CGNL1: variants seen among roughly 807,000 people sequenced by gnomAD.
CGNL1 encodes the protein cingulin like 1.
Under a neutral mutation model 141.2 loss-of-function variants are expected in CGNL1, and 132 were observed. The ratio of observed to expected loss-of-function variants is 0.93; its 90% CI spans 0.81 to 1.08. CGNL1 has a LOEUF of 1.08. CGNL1 is among the 50% of genes least tolerant of loss of function. The pLI is 0.00. For missense variants in CGNL1, 1,870 were observed against 1,588.6 expected (o/e 1.18, Z -3.01); for synonymous variants, 690 against 622.1 (o/e 1.11, Z -1.63).
At chr15:57,437,590 C>T (rs1158234515) in intron 1 of CGNL1, among the ~76,000 whole-genome samples, 1 of 33,104 alleles carries the variant, frequency 3.0e-5, no homozygotes, top group Non-Finnish European at 6.2e-5. Flanking sequence ...AAATAAACAG[C>T]ATAAAGTTTC....
intron 12 of CGNL1, among the ~76,000 whole-genome samples, chr15:57,525,461 A>G (rs1214199376): frequency 6.6e-6 from 1 of 152,240 alleles, no homozygotes; most frequent in Admixed American, 6.5e-5. Flanking sequence ...ACTTAACCCC[A>G]GTTTTCTGAG....
At position 57,470,947 on chromosome 15, in the gene CGNL1, C is replaced by T. The variant is rs144442667; in HGVS notation, c.2403+9055C>T. Among the ~76,000 whole-genome samples the T allele has an allele frequency of 6.5e-3, 984 of 152,274 alleles. 10 individuals are homozygous for T. The highest frequency in any genetic ancestry group is 0.022 in the African/African-American group (930 of 41,546). ...TACTTAAGAATTAGAAAGAAAGAAA[C>T]GTTCCTCTTCGAAGAACCTCTCTAG... On this transcript the variant is annotated intron_variant, in intron 8 of 18. Coordinates refer to ENST00000281282, the MANE Select transcript of CGNL1 (RefSeq NM_032866.5).
chr15:57,490,901 C>T (rs1455703671), intron 8 of CGNL1, among the ~76,000 whole-genome samples: 1 of 152,094 alleles, frequency 6.6e-6, no homozygotes, highest in Admixed American at 6.5e-5. Context: ...TCTTTCTACC[C>T]CAAACATCAG....
At chr15:57,431,002 G>A (rs1353836145) in intron 1 of CGNL1, among the ~76,000 whole-genome samples, 2 of 152,218 alleles carry the variant, frequency 1.3e-5, no homozygotes, top group Admixed American at 1.3e-4. Flanking sequence ...GATTACAGGC[G>A]TGAGCCAGTG....
chr15:57,417,181 T>TACCTAA (rs2062858129), intron 1 of CGNL1, among the ~76,000 whole-genome samples: 1 of 152,182 alleles, frequency 6.6e-6, no homozygotes, highest in Non-Finnish European at 1.5e-5. Flanking sequence ...ACGTATCTAG[T>TACCTAA]TTGTTTAATA....
chr15:57,523,519 A>G lies in CGNL1; in HGVS notation c.2746A>G (p.Lys916Glu), dbSNP rs2031407035. 54 of 1,614,212 alleles carry G rather than the reference A, an allele frequency of 3.3e-5. No homozygotes were observed. The highest frequency in any genetic ancestry group is 4.5e-5 in the Non-Finnish European group (53 of 1,180,030). ...TCTGAGTCAGACTACCCAGGAGCAG[A>G]AGCAGTTGTCTGAGAAGCTCAAAGA... ...GNLSQTTQEQ[K>E]QLSEKLKEES... is the part of the protein sequence containing the mutation. The change falls in exon 11 of 19, where the codon AAG becomes GAG. Residue 916 changes from lysine to glutamate, a missense_variant. Coordinates refer to ENST00000281282, the MANE Select transcript of CGNL1 (RefSeq NM_032866.5).
intron 14 of CGNL1, among the ~76,000 whole-genome samples, chr15:57,543,153 G>C (rs561370998): frequency 1.8e-4 from 27 of 152,254 alleles, no homozygotes; most frequent in African/African-American, 6.5e-4. Flanking sequence ...CCTCCTCCTA[G>C]CTTCTGGTGG....
At chr15:57,406,620 C>T (rs1340154897) in intron 1 of CGNL1, among the ~76,000 whole-genome samples, 1 of 152,144 alleles carries the variant, frequency 6.6e-6, no homozygotes, top group Non-Finnish European at 1.5e-5. Context: ...GAGATGGGAA[C>T]TGAAAGCCTG....
At chr15:57,505,887 C>T (rs149106271) in intron 8 of CGNL1, among the ~76,000 whole-genome samples, 101 of 152,312 alleles carry the variant, frequency 6.6e-4, no homozygotes, top group African/African-American at 2.3e-3. Context: ...TTTTATAATT[C>T]AGGAGAGACC....
intron 8 of CGNL1, among the ~76,000 whole-genome samples, chr15:57,498,268 A>G (rs1443059357): frequency 8.1e-4 from 13 of 16,144 alleles, no homozygotes; most frequent in Non-Finnish European, 1.6e-3. Flanking sequence ...TTTTTTTTGG[A>G]GACCAGGGTC....
Position 57,467,634 on chromosome 15 carries a change from T to C in CGNL1, c.2403+5742T>C, listed in dbSNP as rs549455322. On this transcript the variant is annotated intron_variant, in intron 8 of 18. Coordinates refer to ENST00000281282, the MANE Select transcript of CGNL1 (RefSeq NM_032866.5). ...CTCTATATTAATGATATTAAGAAAC[T>C]AAACAATTTTTAAGGGGTGATAATA... 2.0e-5 allele frequency among the ~76,000 whole-genome samples: 3 copies of C among 150,360 alleles called. No homozygotes were observed. The South Asian group carries it at 6.3e-4, about 32-fold the overall frequency.
chr15:57,518,668 TG>T (rs1194369496), intron 10 of CGNL1, among the ~76,000 whole-genome samples, 171 bp downstream of exon 10: 3 of 152,094 alleles, frequency 2.0e-5, no homozygotes, highest in East Asian at 1.9e-4. Context: ...GATTCTCAAC[TG>T]GGGGGGATTT....
intron 14 of CGNL1, among the ~76,000 whole-genome samples, chr15:57,541,813 C>T (rs554060321): frequency 2.3e-4 from 35 of 152,340 alleles, no homozygotes; most frequent in African/African-American, 7.7e-4. Context: ...CCTCAGTTTC[C>T]TCTGCTGAAC....
intron 15 of CGNL1, among the ~76,000 whole-genome samples, chr15:57,544,053 C>A (rs1379681534): frequency 6.6e-6 from 1 of 152,198 alleles, no homozygotes; most frequent in African/African-American, 2.4e-5. Flanking sequence ...GAATCCACGT[C>A]ATCAAACACA....
intron 8 of CGNL1, among the ~76,000 whole-genome samples, chr15:57,484,169 T>C (rs535918513): frequency 1.3e-5 from 2 of 152,348 alleles, no homozygotes; most frequent in South Asian, 4.1e-4. Context: ...GAAGAGATTG[T>C]GTAGAATTGA....
At chr15:57,483,056 G>A (rs1368572582) in intron 8 of CGNL1, among the ~76,000 whole-genome samples, 1 of 152,216 alleles carries the variant, frequency 6.6e-6, no homozygotes, top group South Asian at 2.1e-4. Context: ...TAAAGTGCTG[G>A]GATTATAGGA....
chr15:57,516,649 G>A lies in CGNL1; in HGVS notation c.2404-131G>A, dbSNP rs556230951. On this transcript the variant is annotated intron_variant, in intron 8 of 18. Coordinates refer to ENST00000281282, the MANE Select transcript of CGNL1 (RefSeq NM_032866.5). ...TTTGGCCTGCAGGCTGTCGTTTGCC[G>A]ACCCCTGGCTCAGCACAGGGCCTGG... The A allele has an allele frequency of 1.5e-4, 136 of 924,518 alleles. 1 individual carries two copies. The East Asian group carries it at 1.9e-3, about 13-fold the overall frequency. 57.3% of individuals were successfully genotyped at this position (924,518 alleles called of 1,614,324 possible). A position where few individuals can be genotyped will look rare whatever the true frequency, so the allele number is the denominator to read the frequency against.
Position 57,464,619 on chromosome 15 carries a change from GTAT to G in CGNL1, c.2403+2732_2403+2734del, listed in dbSNP as rs547317554. 5.1e-4 allele frequency among the ~76,000 whole-genome samples: 78 copies of G among 152,044 alleles called. 1 individual carries two copies. The South Asian group carries it at 0.015, about 29-fold the overall frequency. ...GTGGGAGGTCTTTTTGGGAACTCTAGTATTATTCTTTGAATTTCTGTGCCTTGC... is the reference window on the plus strand; with the variant it reads ...GTGGGAGGTCTTTTTGGGAACTCTAGTATTCTTTGAATTTCTGTGCCTTGC... On this transcript the variant is annotated intron_variant, in intron 8 of 18. Transcript: ENST00000281282.
At chr15:57,469,797 A>C (rs2063556864) in intron 8 of CGNL1, among the ~76,000 whole-genome samples, 1 of 152,150 alleles carries the variant, frequency 6.6e-6, no homozygotes, top group Admixed American at 6.5e-5. Context: ...TACAGAAATG[A>C]ATATATGTTT....
Sources: gnomAD v4.1 joint callset for allele counts (sites outside exome capture counted in the v4.1 genomes callset) on GRCh38, gnomAD v4.1.1 for gene constraint, MANE v1.5 for transcripts, NCBI Gene and HGNC (gene_info 2026-07-23, HGNC 2026-07-21) for gene names.